The following HERPUD2 variants were observed in gnomAD, a reference collection of about 807,000 sequenced individuals.
The protein encoded by HERPUD2 is HERPUD family member 2, also known as homocysteine-responsive endoplasmic reticulum-resident ubiquitin-like domain member 2 protein.
HERPUD2 carries 13 observed loss-of-function variants against 49.9 expected under a neutral mutation model. The observed-to-expected ratio is 0.26, with a 90% confidence interval of 0.17 to 0.41. The LOEUF is 0.41. Among genes scored for constraint, HERPUD2 ranks in the 10% least tolerant of loss-of-function variants. The probability of loss-of-function intolerance (pLI) is 1.00; values close to 1 mark genes in which losing one functional copy is unlikely to be tolerated. For synonymous variants in HERPUD2, 172 were observed against 171.4 expected (o/e 1.00, Z -0.03); for missense variants, 449 against 492.2 (o/e 0.91, Z 0.83).
chr7:35,633,757 G>A lies in HERPUD2; in HGVS notation c.1154C>T (p.Ala385Val). Residue 385 changes from alanine to valine, a missense_variant, in exon 9 of 9, where the codon GCT (alanine) becomes GTT (valine). Transcript: ENST00000311350. ...AAAGAAGGTGGTGATGAAAGACCAA[G>A]CTGAAGCCATTAATCCAGGCCTTTG... ...AIQRPGLMAS[A>V]WSFITTFFTS... The A allele has an allele frequency of 1.2e-6, 2 of 1,614,006 alleles. No homozygotes were observed. The highest frequency in any genetic ancestry group is 1.7e-6 in the Non-Finnish European group (2 of 1,179,954).
intron 2 of HERPUD2, among the ~76,000 whole-genome samples, chr7:35,679,827 C>T (rs1344904172): frequency 6.6e-6 from 1 of 152,186 alleles, no homozygotes; most frequent in African/African-American, 2.4e-5. Flanking sequence ...TAAATCCTTC[C>T]TCTTACTTCT....
chr7:35,637,727 T>C (rs1384752163), intron 6 of HERPUD2, among the ~76,000 whole-genome samples: 1 of 151,984 alleles, frequency 6.6e-6, no homozygotes, highest in Non-Finnish European at 1.5e-5. Context: ...AACAAATACG[T>C]GATGAACTGA....
chr7:35,638,048 A>G (rs1784899485), intron 6 of HERPUD2, among the ~76,000 whole-genome samples: 1 of 152,224 alleles, frequency 6.6e-6, no homozygotes, highest in Admixed American at 6.5e-5. Context: ...TCCTTTACTC[A>G]TTTGACTAAC....
chr7:35,694,258 T>C lies in HERPUD2; in HGVS notation c.73A>G (p.Thr25Ala), dbSNP rs751027732. Reference sequence around the variant, plus strand: ...GTCCAGTTCAAGAAGCAGCTAATAGTCTGGTCACTGTATTTCTGATTCGGT... The same window carrying C: ...GTCCAGTTCAAGAAGCAGCTAATAGCCTGGTCACTGTATTTCTGATTCGGT... ...KAPNQKYSDQ[T>A]ISCFLNWTVG... Residue 25 changes from threonine (T) to alanine (A), a missense_variant, in exon 2 of 9, where the codon ACT (threonine) becomes GCT (alanine). Transcript: ENST00000311350. 2 of 1,614,050 alleles carry C rather than the reference T, an allele frequency of 1.2e-6. No homozygotes were observed. Among genetic ancestry groups the C allele is most frequent in the Non-Finnish European group, 1.7e-6 (2 of 1,179,994 alleles).
At chr7:35,668,282 C>T (rs541440966) in intron 4 of HERPUD2, among the ~76,000 whole-genome samples, 30 of 152,216 alleles carry the variant, frequency 2.0e-4, no homozygotes, top group Admixed American at 5.2e-4. Flanking sequence ...AAATGAACTA[C>T]GAGAATCAAG....
chr7:35,638,507 C>T lies in HERPUD2; in HGVS notation c.495-35G>A, dbSNP rs1175774189. The T allele has an allele frequency of 2.5e-6, 4 of 1,588,336 alleles. No individual in the cohort carries two copies. The African/African-American group carries it at 5.4e-5, about 21-fold the overall frequency. On this transcript the variant is annotated intron_variant, in intron 5 of 8. Coordinates refer to ENST00000311350, the MANE Select transcript of HERPUD2 (RefSeq NM_022373.5). ...ATAAATAATGAGCTCTTTTAATGCT[C>T]TAGCAGCTAAAAGTATTATTCTAAA...
intron 5 of HERPUD2, among the ~76,000 whole-genome samples, chr7:35,644,548 G>A (rs1785018089): frequency 6.6e-6 from 1 of 152,144 alleles, no homozygotes; most frequent in African/African-American, 2.4e-5. Flanking sequence ...CAGGTGGATT[G>A]CTTGAGCTCA....
intron 2 of HERPUD2, among the ~76,000 whole-genome samples, chr7:35,693,478 G>A (rs1310122873): frequency 6.6e-6 from 1 of 151,528 alleles, no homozygotes; most frequent in Admixed American, 6.6e-5. Flanking sequence ...TTAAGTTTCT[G>A]GGCCAAGTGT....
Position 35,635,378 on chromosome 7 carries a change from T to A in HERPUD2, c.698A>T (p.His233Leu). 1 of 1,614,122 alleles carries A rather than the reference T, an allele frequency of 6.2e-7. No homozygotes were observed. The highest frequency in any genetic ancestry group is 1.1e-5 in the South Asian group (1 of 91,080). The change falls in exon 7 of 9, where the codon CAT (histidine) becomes CTT (leucine). Residue 233 changes from histidine (H) to leucine (L), a missense_variant. His to Leu is a moderately conservative substitution (Grantham distance 99). Transcript: ENST00000311350. ...TGGTGGGGGTTCTTCTCCAGGAACA[T>A]GTGCCAAATTTAGAGGCTGTGAAGT... ...PTTSQPLNLA[H>L]VPGEEPPPAP...
chr7:35,642,314 T>A (rs1784978532), intron 5 of HERPUD2, among the ~76,000 whole-genome samples: 1 of 152,186 alleles, frequency 6.6e-6, no homozygotes, highest in Non-Finnish European at 1.5e-5. Context: ...AAATAACAGA[T>A]GCTGGCAAGG....
At chr7:35,647,657 C>T (rs1042403593) in intron 5 of HERPUD2, among the ~76,000 whole-genome samples, 4 of 152,142 alleles carry the variant, frequency 2.6e-5, no homozygotes, top group Admixed American at 6.5e-5. Context: ...TAGGAAAGAA[C>T]AGTGAAACAA....
intron 3 of HERPUD2, among the ~76,000 whole-genome samples, chr7:35,671,939 T>A (rs572796587): frequency 1.0e-3 from 152 of 151,810 alleles, no homozygotes; most frequent in African/African-American, 3.6e-3. Flanking sequence ...AGCACCAGCA[T>A]AAAAACAAGA....
intron 6 of HERPUD2, among the ~76,000 whole-genome samples, chr7:35,637,160 A>AAGAAAGATAGAC (rs1554311472): frequency 6.9e-6 from 1 of 144,082 alleles, no homozygotes; most frequent in Admixed American, 7.0e-5. Flanking sequence ...GAAAGAAAGA[A>AAGAAAGATAGAC]AGATAGATAG....
intron 5 of HERPUD2, among the ~76,000 whole-genome samples, chr7:35,663,120 G>A (rs549530957): frequency 5.9e-5 from 9 of 152,152 alleles, no homozygotes; most frequent in African/African-American, 1.9e-4. Flanking sequence ...CCTTCATTTC[G>A]TTATGTACCC....
intron 8 of HERPUD2, 103 bp from the exon 9 acceptor site, chr7:35,633,954 G>A (rs1455890552): frequency 8.4e-7 from 1 of 1,193,910 alleles, no homozygotes; most frequent in East Asian, 2.4e-5. Flanking sequence ...CTATGAAGTG[G>A]TATGTATGTG....
In HERPUD2 at chr7:35,663,246, A is replaced by T. The variant is rs1785466362; in HGVS notation, c.494+4188T>A. On this transcript the variant is annotated intron_variant, in intron 5 of 8. Transcript: ENST00000311350. ...TGTGGTCTGAGAGACAGTTTGTTATAATTTCTGTTCTTTTACTGAGTAAAT... is the reference window on the plus strand; with the variant it reads ...TGTGGTCTGAGAGACAGTTTGTTATTATTTCTGTTCTTTTACTGAGTAAAT... Among the ~76,000 whole-genome samples, 3 of 152,012 alleles carry T rather than the reference A, an allele frequency of 2.0e-5. No individual in the cohort carries two copies. In the South Asian group the frequency reaches 6.2e-4, roughly 31 times the overall value.
intron 5 of HERPUD2, among the ~76,000 whole-genome samples, chr7:35,653,030 T>C (rs1785199853): frequency 6.6e-6 from 1 of 151,958 alleles, no homozygotes; most frequent in South Asian, 2.1e-4. Flanking sequence ...AGAAATGCTA[T>C]ACAAAAACCA....
At chr7:35,680,657 T>C (rs1194108928) in intron 2 of HERPUD2, among the ~76,000 whole-genome samples, 3 of 152,226 alleles carry the variant, frequency 2.0e-5, no homozygotes, top group African/African-American at 4.8e-5. Flanking sequence ...CCCCCAGCTC[T>C]TGCATACCTG....
At chr7:35,653,911 G>T (rs1239537908) in intron 5 of HERPUD2, among the ~76,000 whole-genome samples, 1 of 152,060 alleles carries the variant, frequency 6.6e-6, no homozygotes, top group Non-Finnish European at 1.5e-5. Context: ...GAGGCAGAAG[G>T]ACTGTTTCAG....
Sources: allele counts gnomAD v4.1 joint callset (sites outside exome capture counted in the v4.1 genomes callset), GRCh38; gene constraint gnomAD v4.1.1; transcripts MANE v1.5; gene names NCBI Gene and HGNC (gene_info 2026-07-23, HGNC 2026-07-21).